Variants in FOXP2 observed in about 807,000 individuals in gnomAD.
FOXP2 encodes the protein forkhead box protein P2.
In FOXP2, 12 loss-of-function variants were observed where a neutral mutation model predicts 115.8. That is an observed-to-expected ratio of 0.10 (90% CI 0.07 to 0.17). FOXP2 has a LOEUF of 0.17. Among genes scored for constraint, FOXP2 ranks in the 10% least tolerant of loss-of-function variants. The pLI is 1.00. For synonymous variants in FOXP2, 328 were observed against 297.7 expected, an observed-to-expected ratio of 1.10 and a Z score of -1.05; for missense variants, 629 against 843.5, an observed-to-expected ratio of 0.75 and a Z score of 3.15.
At chr7:114,366,896 G>T (rs956953660) in intron 2 of FOXP2, among the ~76,000 whole-genome samples, 1 of 151,868 alleles carries the variant, frequency 6.6e-6, no homozygotes, top group African/African-American at 2.4e-5. Flanking sequence ...TTATACTACA[G>T]CCTTTAAAGC....
intron 3 of FOXP2, among the ~76,000 whole-genome samples, chr7:114,586,449 C>T (rs1463909489): frequency 6.6e-6 from 1 of 151,716 alleles, no homozygotes; most frequent in Non-Finnish European, 1.5e-5. Flanking sequence ...TTATAAATAC[C>T]TTATTATAAT....
At chr7:114,490,947 A>T (rs1218048851) in intron 2 of FOXP2, among the ~76,000 whole-genome samples, 2 of 152,290 alleles carry the variant, frequency 1.3e-5, no homozygotes, top group East Asian at 3.9e-4. Flanking sequence ...GCTATTGTGA[A>T]TAGTGCCGTA....
At chr7:114,527,064 A>T (rs1214439111) in intron 2 of FOXP2, among the ~76,000 whole-genome samples, 2 of 148,542 alleles carry the variant, frequency 1.3e-5, no homozygotes, top group Admixed American at 1.3e-4. Flanking sequence ...GATACAGTAT[A>T]TGATTTTTGT....
At chr7:114,558,824 C>G (rs936855324) in intron 3 of FOXP2, among the ~76,000 whole-genome samples, 1 of 152,106 alleles carries the variant, frequency 6.6e-6, no homozygotes, top group African/African-American at 2.4e-5. Context: ...GTTTGCCTTC[C>G]TGATTCGTCT....
intron 1 of FOXP2, among the ~76,000 whole-genome samples, chr7:114,279,028 A>G (rs62469206): frequency 0.026 from 3,999 of 152,198 alleles, 61 homozygotes; most frequent in Middle Eastern, 0.037. Context: ...AGGTGGAGGT[A>G]CCTCGGTGTT....
At chr7:114,156,842 A>G (rs1309846550) in intron 1 of FOXP2, among the ~76,000 whole-genome samples, 2 of 152,190 alleles carry the variant, frequency 1.3e-5, no homozygotes, top group Non-Finnish European at 2.9e-5. Flanking sequence ...GTCATGTAAC[A>G]TGATTTTCAT....
rs1808754470 is a variant in FOXP2 at position 114,693,034 on chromosome 7, A to G, written c.*3108A>G. 2.2e-6 allele frequency: 1 copy of G among 453,930 alleles called. No homozygotes were observed. The highest frequency in any genetic ancestry group is 4.4e-6 in the Non-Finnish European group (1 of 226,666). 28.1% of individuals were successfully genotyped at this position (453,930 alleles called of 1,614,324 possible). On this transcript the variant is annotated 3_prime_UTR_variant, in exon 17 of 17. Transcript: ENST00000350908. Reference sequence around the variant, plus strand: ...TGTCTACCTCTAACACCAGGGAGTTATCAGATTTTATTTTACATAGTTTTA... The same window carrying G: ...TGTCTACCTCTAACACCAGGGAGTTGTCAGATTTTATTTTACATAGTTTTA...
chr7:114,447,231 G>A (rs1357122232), intron 2 of FOXP2, among the ~76,000 whole-genome samples: 2 of 151,978 alleles, frequency 1.3e-5, no homozygotes, highest in East Asian at 3.9e-4. Flanking sequence ...TCACCAGTTT[G>A]ACATCTCTCT....
At chr7:114,683,833 ATTG>A (rs1273152433) in intron 16 of FOXP2, among the ~76,000 whole-genome samples, 2 of 152,176 alleles carry the variant, frequency 1.3e-5, no homozygotes, top group Non-Finnish European at 2.9e-5. Flanking sequence ...ATTCAGAAAT[ATTG>A]TTGTACATAG....
chr7:114,570,726 T>A, intron 3 of FOXP2: 3 of 1,065,494 alleles, frequency 2.8e-6, no homozygotes, highest in Non-Finnish European at 4.4e-6. Context: ...AAATGATTTT[T>A]AAAAATGATA....
intron 1 of FOXP2, among the ~76,000 whole-genome samples, chr7:114,176,898 A>G (rs1793331112): frequency 6.6e-6 from 1 of 152,126 alleles, no homozygotes; most frequent in Non-Finnish European, 1.5e-5. Flanking sequence ...CTTACCCTTA[A>G]CAACATGGAT....
At chr7:114,364,010 A>T (rs1410057314) in intron 2 of FOXP2, among the ~76,000 whole-genome samples, 2 of 152,168 alleles carry the variant, frequency 1.3e-5, no homozygotes, top group African/African-American at 4.8e-5. Flanking sequence ...TTTAAAGTTG[A>T]CTTAAATCAA....
intron 3 of FOXP2, among the ~76,000 whole-genome samples, chr7:114,566,846 A>G (rs1801049290): frequency 6.6e-6 from 1 of 151,950 alleles, no homozygotes; most frequent in African/African-American, 2.4e-5. Flanking sequence ...AAATATTTTC[A>G]TTTGTTAGGA....
At chr7:114,398,912 T>G (rs1288872927) in intron 2 of FOXP2, among the ~76,000 whole-genome samples, 3 of 152,208 alleles carry the variant, frequency 2.0e-5, no homozygotes, top group Non-Finnish European at 4.4e-5. Flanking sequence ...TGGCAGGTAG[T>G]GAGCACCATA....
intron 2 of FOXP2, among the ~76,000 whole-genome samples, chr7:114,311,512 A>T (rs1006237538): frequency 4.6e-5 from 7 of 152,256 alleles, no homozygotes; most frequent in African/African-American, 1.7e-4. Context: ...AGATTACATT[A>T]TTAAATTGTC....
intron 2 of FOXP2, among the ~76,000 whole-genome samples, chr7:114,291,050 A>G (rs1412784823): frequency 6.6e-6 from 1 of 152,180 alleles, no homozygotes; most frequent in African/African-American, 2.4e-5. Flanking sequence ...AGAAATGCTA[A>G]ATATGAGTTA....
chr7:114,425,875 G>A (rs1793823152), intron 1 of FOXP2, among the ~76,000 whole-genome samples: 1 of 151,488 alleles, frequency 6.6e-6, no homozygotes, highest in South Asian at 2.1e-4. Context: ...AAAAAAATAG[G>A]CAATATCTGA....
intron 1 of FOXP2, among the ~76,000 whole-genome samples, chr7:114,212,122 A>AATAAAATAAAATAAAAT (rs67192679): frequency 0.022 from 2,882 of 130,818 alleles, 65 homozygotes; most frequent in East Asian, 0.069. Context: ...AATAAAATAA[A>AATAAAATAAAATAAAAT]ATATATATAT....
intron 1 of FOXP2, among the ~76,000 whole-genome samples, chr7:114,256,719 G>C (rs1490380665): frequency 1.3e-5 from 2 of 152,086 alleles, no homozygotes; most frequent in Non-Finnish European, 1.5e-5. Flanking sequence ...GATCCGATTT[G>C]TCAATTTTTG....
Sources: allele counts gnomAD v4.1 joint callset (sites outside exome capture counted in the v4.1 genomes callset), GRCh38; gene constraint gnomAD v4.1.1; transcripts MANE v1.5; gene names NCBI Gene and HGNC (gene_info 2026-07-23, HGNC 2026-07-21).